The following PRSS38 variants were observed in gnomAD, a reference collection of about 807,000 sequenced individuals.
PRSS38 encodes marapsin 2.
Under a neutral mutation model 26.8 loss-of-function variants are expected in PRSS38, and 22 were observed. The ratio of observed to expected loss-of-function variants is 0.82; its 90% CI spans 0.59 to 1.17. The LOEUF is 1.17. Ranked by LOEUF, PRSS38 falls within the 50% of genes most tolerant of loss-of-function variation. PRSS38 has a pLI of 0.00. For synonymous variants in PRSS38, 175 were observed against 172.1 expected (o/e 1.02, Z -0.13); for missense variants, 427 against 422.7 (o/e 1.01, Z -0.09).
At position 227,815,864 on chromosome 1, in the gene PRSS38, G is replaced by A. The variant is rs1395132222; in HGVS notation, c.148G>A (p.Ala50Thr). Residue 50 changes from alanine to threonine, a missense_variant and splice_region_variant, in exon 1 of 5, where the codon GCC becomes ACC. Ala to Thr is a moderately conservative substitution (Grantham distance 58). Coordinates refer to ENST00000366757, the Ensembl canonical transcript of PRSS38. ...GGGAATCTCCCTAACTGGCAGCGTG[G>A]GTAGGCCCTGCCCCAGGGGCGGATG... is the stretch of plus-strand genomic sequence containing the variant. The A allele has an allele frequency of 2.5e-6, 4 of 1,601,472 alleles. No individual in the cohort carries two copies. The African/African-American group carries it at 5.4e-5, about 21-fold the overall frequency.
At chr1:227,817,099 T>G (rs1664930957) in intron 2 of PRSS38, 110 bp from the exon 3 acceptor site, 1 of 1,194,534 alleles carries the variant, frequency 8.4e-7, no homozygotes, top group Non-Finnish European at 1.2e-6. Flanking sequence ...AGAAACTGGC[T>G]TTTCAATCCC....
intron 3 of PRSS38, among the ~76,000 whole-genome samples, chr1:227,844,618 C>T (rs1665389148): frequency 6.9e-6 from 1 of 144,600 alleles, no homozygotes; most frequent in Non-Finnish European, 1.5e-5. Context: ...TGTGGTGGGG[C>T]TCCTCCCTAT....
In PRSS38 at chr1:227,816,020, C is replaced by T. The variant is rs1369178137; in HGVS notation, c.149-70C>T. On this transcript the variant is annotated intron_variant, in intron 1 of 4. Coordinates refer to ENST00000366757, the Ensembl canonical transcript of PRSS38. This position sits in a 1 kb window ranked among gnomAD's most constrained non-coding sequence, Gnocchi z 5.1. ...TCCTGTGTCCCCTGCCCCTCCCCCA[C>T]GTCCCCTGCCTGCCCTACCTCTCCC... The T allele has an allele frequency of 4.7e-5, 72 of 1,540,284 alleles. No homozygotes were observed. The highest frequency in any genetic ancestry group is 8.2e-5 in the African/African-American group (6 of 73,474).
chr1:227,829,649 A>G (rs754572588), intron 3 of PRSS38, among the ~76,000 whole-genome samples: 8 of 152,206 alleles, frequency 5.3e-5, no homozygotes, highest in Admixed American at 2.0e-4. Flanking sequence ...GTTCATTGTT[A>G]GCATATTGAA....
At chr1:227,846,049 C>T in exon 5 of PRSS38, 1 of 1,614,202 alleles carries the variant, frequency 6.2e-7, no homozygotes, top group East Asian at 2.2e-5. Flanking sequence ...ACCCTCTGTA[C>T]CCTGGAGTGT....
intron 3 of PRSS38, among the ~76,000 whole-genome samples, chr1:227,844,925 GA>G (rs1558238971): frequency 3.3e-5 from 2 of 60,328 alleles, no homozygotes; most frequent in Admixed American, 1.7e-4. Flanking sequence ...TGTGTGGTGG[GA>G]CTCCTCCCTA....
chr1:227,817,550 C>T (rs1285264974), intron 3 of PRSS38, 70 bp downstream of exon 3: 3 of 1,538,526 alleles, frequency 1.9e-6, no homozygotes, highest in East Asian at 4.5e-5. Context: ...AGAAAATGCT[C>T]TGCCAGCTAA....
chr1:227,837,466 C>T (rs981132250), intron 3 of PRSS38, among the ~76,000 whole-genome samples: 7 of 152,150 alleles, frequency 4.6e-5, no homozygotes, highest in Admixed American at 2.6e-4. Context: ...AGTGTTTGCA[C>T]GCAGCAAAGT....
Position 227,815,773 on chromosome 1 carries a change from GC to G in PRSS38, c.58del (p.Leu20CysfsTer26). ...TCGGGCCCTCTGCCCTGGGCCTTCT[GC>G]TGCTGCTCCTGGTGGTGGCCCCTCC... On this transcript the variant is annotated frameshift_variant, in exon 1 of 5. Transcript: ENST00000366757. LOFTEE classifies it high-confidence loss of function. 2 of 1,611,868 alleles carry G rather than the reference GC, an allele frequency of 1.2e-6. No homozygotes were observed. Among genetic ancestry groups the G allele is most frequent in the Non-Finnish European group, 1.7e-6 (2 of 1,178,620 alleles).
At chr1:227,844,384 C>T (rs756202042) in intron 3 of PRSS38, among the ~76,000 whole-genome samples, 5 of 151,858 alleles carry the variant, frequency 3.3e-5, no homozygotes, top group South Asian at 2.1e-4. Context: ...CTTCTCCCTA[C>T]GTGTGGTGGG....
At position 227,824,242 on chromosome 1, in the gene PRSS38, C is replaced by G. The variant is rs553900882; in HGVS notation, c.583+6762C>G. Among the ~76,000 whole-genome samples, 13 of 152,204 alleles carry G rather than the reference C, an allele frequency of 8.5e-5. No homozygotes were observed. The East Asian group carries it at 1.7e-3, about 20-fold the overall frequency. ...CTCCCTCTATCCCCCCAAACAGGCC[C>G]CAGTGTGTGTTGTTTCCCCACTCCC... On this transcript the variant is annotated intron_variant, in intron 3 of 4. Coordinates refer to ENST00000366757, the Ensembl canonical transcript of PRSS38.
intron 3 of PRSS38, among the ~76,000 whole-genome samples, chr1:227,829,878 T>C (rs909128327): frequency 1.8e-4 from 28 of 152,210 alleles, no homozygotes; most frequent in African/African-American, 6.8e-4. Context: ...TGCCTTGTTC[T>C]TCATCTTAGT....
chr1:227,845,384 T>C, intron 3 of PRSS38, 86 bp from the exon 4 acceptor site: 2 of 908,478 alleles, frequency 2.2e-6, no homozygotes, highest in Non-Finnish European at 3.4e-6. Context: ...CCATGGGCTA[T>C]CCCCTTGGTG....
At position 227,825,469 on chromosome 1, in the gene PRSS38, C is replaced by T. The variant is rs188745995; in HGVS notation, c.583+7989C>T. ...CCTCCCAAAGTGCTGTGATTACAGGCGTAAGCCACCGCGTCTGGCCTCTAG... is the reference window on the plus strand; with the variant it reads ...CCTCCCAAAGTGCTGTGATTACAGGTGTAAGCCACCGCGTCTGGCCTCTAG... On this transcript the variant is annotated intron_variant, in intron 3 of 4. Transcript: ENST00000366757. Among the ~76,000 whole-genome samples the T allele has an allele frequency of 4.9e-3, 745 of 152,252 alleles. 11 individuals are homozygous for T. The South Asian group carries it at 0.058, about 12-fold the overall frequency.
At chr1:227,838,624 G>A (rs1665272850) in intron 3 of PRSS38, among the ~76,000 whole-genome samples, 1 of 152,176 alleles carries the variant, frequency 6.6e-6, no homozygotes, top group Admixed American at 6.5e-5. Context: ...AGCAGGCTTT[G>A]AAAAATGTTC....
chr1:227,830,402 A>G (rs935504828), intron 3 of PRSS38, among the ~76,000 whole-genome samples: 7 of 147,112 alleles, frequency 4.8e-5, no homozygotes. Flanking sequence ...TTAGTTTGTT[A>G]TATACTTTAT....
At chr1:227,817,604 A>C in intron 3 of PRSS38, 124 bp downstream of exon 3, 1 of 936,320 alleles carries the variant, frequency 1.1e-6, no homozygotes, top group Non-Finnish European at 1.6e-6. Context: ...CCTGTCAATC[A>C]ACATTTATTT....
Position 227,817,244 on chromosome 1 carries a change from G to C in PRSS38, c.347G>C (p.Gly116Ala), listed in dbSNP as rs760625308. 3.7e-6 allele frequency: 6 copies of C among 1,614,160 alleles called. No individual in the cohort carries two copies. In the African/African-American group the frequency reaches 8.0e-5, roughly 22 times the overall value. Reference sequence around the variant, plus strand: ...ATCAAAATCTATGACATGTACGTAGGCCTCGTAAACCTCAGGGTGGCCGGC... The same window carrying C: ...ATCAAAATCTATGACATGTACGTAGCCCTCGTAAACCTCAGGGTGGCCGGC... Residue 116 changes from glycine to alanine, a missense_variant, in exon 3 of 5, where the codon GGC becomes GCC. By Grantham distance (60) the Gly-to-Ala change is moderately conservative. Transcript: ENST00000366757.
chr1:227,817,073 C>T, intron 2 of PRSS38, 136 bp from the exon 3 acceptor site: 1 of 928,936 alleles, frequency 1.1e-6, no homozygotes, highest in East Asian at 2.4e-5. Context: ...AGATAGGTCC[C>T]TACTATGCTG....
Sources: gnomAD v4.1 joint callset for allele counts (sites outside exome capture counted in the v4.1 genomes callset) on GRCh38, gnomAD v4.1.1 for gene constraint, Gnocchi (gnomAD v3.1) non-coding constraint, MANE v1.5 for transcripts, NCBI Gene and HGNC (gene_info 2026-07-23, HGNC 2026-07-21) for gene names.